The following AGMO variants were observed in gnomAD, a reference collection of about 807,000 sequenced individuals.
The protein encoded by AGMO is glyceryl-ether monooxygenase.
A neutral mutation model predicts 60.2 loss-of-function variants in AGMO; 75 were observed. The ratio of observed to expected loss-of-function variants is 1.25; its 90% confidence interval spans 1.03 to 1.51. The LOEUF (loss-of-function observed/expected upper bound fraction) is 1.51. Among genes scored for constraint, AGMO ranks in the 40% most tolerant of loss-of-function variants. The pLI, the probability that AGMO is intolerant of heterozygous loss-of-function variation, is 0.00. For missense variants in AGMO, 763 were observed against 525.5 expected (o/e 1.45, Z -4.42); for synonymous variants, 261 against 177.1 (o/e 1.47, Z -3.76).
chr7:15,329,086 C>T (rs766551249), intron 12 of AGMO, among the ~76,000 whole-genome samples: 4 of 152,104 alleles, frequency 2.6e-5, no homozygotes, highest in African/African-American at 4.8e-5. Flanking sequence ...ATCCTTTCCC[C>T]TCTCTTTGTT....
At chr7:15,144,699 T>C in the AGMO span, among the ~76,000 whole-genome samples, 2 of 152,250 alleles carry the variant, frequency 1.3e-5, no homozygotes, top group Non-Finnish European at 2.9e-5. Context: ...TACAGCAGGC[T>C]ACAAAGTTTA....
At chr7:15,230,702 GAA>G (rs1782234794) in intron 12 of AGMO, among the ~76,000 whole-genome samples, 1 of 152,060 alleles carries the variant, frequency 6.6e-6, no homozygotes, top group Admixed American at 6.6e-5. Flanking sequence ...GAAAGAGAGA[GAA>G]ATCTCAAAGA....
At position 15,561,881 on chromosome 7, in the gene AGMO, T is replaced by C; in HGVS notation, c.-36A>G. Reference sequence around the variant, plus strand: ...GTCTGATTCCCAGCTGGAGAATATTTAGGATTCAATGCTTGAAGCCTGAGG... The same window carrying C: ...GTCTGATTCCCAGCTGGAGAATATTCAGGATTCAATGCTTGAAGCCTGAGG... On this transcript the variant is annotated 5_prime_UTR_variant, in exon 1 of 13. Coordinates refer to ENST00000342526, the MANE Select transcript of AGMO (RefSeq NM_001004320.2). The C allele has an allele frequency of 6.4e-7, 1 of 1,571,190 alleles. No individual in the cohort carries two copies.
chr7:15,163,369 T>G, the AGMO span, among the ~76,000 whole-genome samples: 2 of 152,108 alleles, frequency 1.3e-5, no homozygotes, highest in African/African-American at 4.8e-5. Flanking sequence ...TCAGTAAGAG[T>G]GGTGAGAGTG....
At chr7:15,172,487 C>G in the AGMO span, among the ~76,000 whole-genome samples, 14 of 152,130 alleles carry the variant, frequency 9.2e-5, no homozygotes, top group African/African-American at 3.4e-4. Flanking sequence ...AGTAATCATG[C>G]CTAGATTGAC....
At chr7:15,429,722 T>C (rs575091382) in intron 4 of AGMO, among the ~76,000 whole-genome samples, 16 of 152,152 alleles carry the variant, frequency 1.1e-4, no homozygotes, top group African/African-American at 3.6e-4. Context: ...CTTATAGATT[T>C]GTTTTGCCTA....
At chr7:15,495,903 C>CTCT (rs1287344684) in intron 3 of AGMO, among the ~76,000 whole-genome samples, 1 of 151,522 alleles carries the variant, frequency 6.6e-6, no homozygotes. Flanking sequence ...CTCACTCTTC[C>CTCT]TCTTCTTCTT....
chr7:15,361,062 G>T (rs1782732180), intron 12 of AGMO, among the ~76,000 whole-genome samples: 1 of 152,098 alleles, frequency 6.6e-6, no homozygotes, highest in Admixed American at 6.5e-5. Context: ...GAAATCATTT[G>T]TTACTAAGTG....
intron 12 of AGMO, among the ~76,000 whole-genome samples, chr7:15,323,064 A>C (rs910198158): frequency 1.3e-5 from 2 of 151,498 alleles, no homozygotes; most frequent in Non-Finnish European, 2.9e-5. Flanking sequence ...TGAGTGACTA[A>C]GGGAAAGAAA....
At chr7:15,123,962 T>A in the AGMO span, among the ~76,000 whole-genome samples, 5 of 152,214 alleles carry the variant, frequency 3.3e-5, no homozygotes, top group East Asian at 9.7e-4. Flanking sequence ...TCTGTATCAG[T>A]ACCATCTCAA....
the AGMO span, among the ~76,000 whole-genome samples, chr7:15,137,456 C>G: frequency 6.6e-6 from 1 of 152,030 alleles, no homozygotes; most frequent in Admixed American, 6.5e-5. Flanking sequence ...ACTTTCAGTA[C>G]TGTAGAGAAT....
chr7:15,486,225 A>G (rs1782918670), intron 3 of AGMO, among the ~76,000 whole-genome samples: 2 of 152,162 alleles, frequency 1.3e-5, no homozygotes, highest in Admixed American at 6.5e-5. Flanking sequence ...CAGCAAGCTC[A>G]GTGGGTCCAG....
At chr7:15,553,505 A>T (rs1284546921) in intron 2 of AGMO, among the ~76,000 whole-genome samples, 2 of 152,132 alleles carry the variant, frequency 1.3e-5, no homozygotes, top group Admixed American at 6.6e-5. Context: ...GAGCCTACTA[A>T]GTGCCAGGCA....
chr7:15,233,809 T>C (rs1355133991), intron 12 of AGMO, among the ~76,000 whole-genome samples: 1 of 152,080 alleles, frequency 6.6e-6, no homozygotes, highest in Middle Eastern at 3.2e-3. Context: ...CCCAGCATTT[T>C]GGGAGGCTGA....
At chr7:15,256,738 G>A (rs1783111050) in intron 12 of AGMO, among the ~76,000 whole-genome samples, 1 of 152,178 alleles carries the variant, frequency 6.6e-6, no homozygotes, top group South Asian at 2.1e-4. Context: ...AGAGACACAT[G>A]CTGCACAGGT....
At chr7:15,241,226 C>G (rs573646416) in intron 12 of AGMO, among the ~76,000 whole-genome samples, 1 of 151,558 alleles carries the variant, frequency 6.6e-6, no homozygotes, top group Non-Finnish European at 1.5e-5. Context: ...TTTGGGAGGC[C>G]GAGGCGGGCG....
At chr7:15,311,644 A>G (rs1313445293) in intron 12 of AGMO, among the ~76,000 whole-genome samples, 1 of 152,162 alleles carries the variant, frequency 6.6e-6, no homozygotes, top group Non-Finnish European at 1.5e-5. Flanking sequence ...AGTCACCATC[A>G]TTCTATGTCT....
intron 3 of AGMO, among the ~76,000 whole-genome samples, chr7:15,485,242 G>A (rs537989536): frequency 6.6e-6 from 1 of 151,804 alleles, no homozygotes; most frequent in Non-Finnish European, 1.5e-5. Context: ...CCTTGAACCT[G>A]GGAAGCAGAG....
At chr7:15,320,913 G>C (rs1165381482) in intron 12 of AGMO, among the ~76,000 whole-genome samples, 5 of 152,110 alleles carry the variant, frequency 3.3e-5, no homozygotes, top group Admixed American at 3.3e-4. Context: ...TTTAACTGTT[G>C]TGTGACTTGC....
Sources: allele counts gnomAD v4.1 joint callset (sites outside exome capture counted in the v4.1 genomes callset), GRCh38; gene constraint gnomAD v4.1.1; transcripts MANE v1.5; gene names NCBI Gene and HGNC (gene_info 2026-07-23, HGNC 2026-07-21).